Variants in SNX13 observed in about 807,000 individuals in gnomAD.
The protein encoded by SNX13 is sorting nexin 13.
SNX13 carries 45 observed loss-of-function variants against 133.6 expected under a neutral mutation model. That is an observed-to-expected ratio of 0.34 (90% CI 0.27 to 0.43). The LOEUF is 0.43. Ranked by LOEUF, SNX13 falls within the 20% of genes least tolerant of loss-of-function variation. SNX13 has a pLI of 1.00. For missense variants in SNX13, 1,032 were observed against 1,145.1 expected (o/e 0.90, Z 1.43); for synonymous variants, 414 against 373.9 (o/e 1.11, Z -1.24).
chr7:17,803,442 C>A lies in SNX13; in HGVS notation c.2203G>T (p.Asp735Tyr), dbSNP rs2128288317. Residue 735 changes from aspartate (D) to tyrosine (Y), a missense_variant, in exon 21 of 26, where the codon GAC (aspartate) becomes TAC (tyrosine). Coordinates refer to ENST00000428135, the MANE Select transcript of SNX13 (RefSeq NM_015132.5). ...ACCTTAAAAAATGATTGCTTTATGT[C>A]TTGACCTAATCTTTCTGACATTTTG... is the stretch of plus-strand genomic sequence containing the variant. ...MGKMSERLGQ[D>Y]IKQSFFKVPP... is the part of the protein sequence containing the mutation. 6.2e-7 allele frequency: 1 copy of A among 1,610,966 alleles called. No individual in the cohort carries two copies. Among genetic ancestry groups the A allele is most frequent in the Non-Finnish European group, 8.5e-7 (1 of 1,178,430 alleles).
Position 17,794,134 on chromosome 7 carries a change from A to G in SNX13, c.2785T>C (p.Phe929Leu). ...LFPQYKFREL[F>L]NKLHSRSKQM... ...TTTGACCGTGAATGCAGTTTGTTGAAAAGTTCACGGAATTTATACTGTGGA... is the reference window on the plus strand; with the variant it reads ...TTTGACCGTGAATGCAGTTTGTTGAGAAGTTCACGGAATTTATACTGTGGA... Residue 929 changes from phenylalanine (F) to leucine (L), a missense_variant, in exon 26 of 26, where the codon TTC becomes CTC. By Grantham distance (22) the Phe-to-Leu change is conservative (BLOSUM62 0). Coordinates refer to ENST00000428135, the MANE Select transcript of SNX13 (RefSeq NM_015132.5). 1.2e-6 allele frequency: 2 copies of G among 1,611,756 alleles called. No homozygotes were observed. Among genetic ancestry groups the G allele is most frequent in the South Asian group, 1.1e-5 (1 of 90,980 alleles).
intron 20 of SNX13, among the ~76,000 whole-genome samples, chr7:17,813,673 G>A (rs564984473): frequency 1.7e-4 from 25 of 151,346 alleles, no homozygotes; most frequent in African/African-American, 4.6e-4. Context: ...TGAAGCCTTG[G>A]CCTCCCAGGT....
chr7:17,877,151 T>C (rs909809646), intron 5 of SNX13, among the ~76,000 whole-genome samples: 15 of 151,454 alleles, frequency 9.9e-5, no homozygotes, highest in Non-Finnish European at 1.5e-5. Context: ...AGGTTTGTTG[T>C]ATACATGAAA....
chr7:17,808,037 GA>G (rs1471061293), intron 20 of SNX13, among the ~76,000 whole-genome samples: 5 of 152,138 alleles, frequency 3.3e-5, no homozygotes, highest in African/African-American at 1.2e-4. Context: ...CCAAAAACCA[GA>G]ACGCATCTTC....
intron 12 of SNX13, among the ~76,000 whole-genome samples, chr7:17,841,407 G>GT (rs1583437789): frequency 6.6e-6 from 1 of 152,058 alleles, no homozygotes; most frequent in Non-Finnish European, 1.5e-5. Flanking sequence ...AGACTTTTAA[G>GT]TTTATACCTC....
intron 3 of SNX13, 48 bp from the exon 4 acceptor site, chr7:17,891,683 T>A: frequency 1.5e-6 from 2 of 1,342,432 alleles, no homozygotes; most frequent in Non-Finnish European, 2.1e-6. Flanking sequence ...TGATGTAAAA[T>A]CTCTCCAGTT....
intron 8 of SNX13, among the ~76,000 whole-genome samples, chr7:17,868,986 T>G (rs944144568): frequency 1.3e-5 from 2 of 152,110 alleles, no homozygotes; most frequent in Admixed American, 1.3e-4. Flanking sequence ...TTCTCTGTGT[T>G]TGAATAGTTT....
At chr7:17,934,007 G>A (rs1237203442) in intron 1 of SNX13, among the ~76,000 whole-genome samples, 1 of 152,190 alleles carries the variant, frequency 6.6e-6, no homozygotes, top group Non-Finnish European at 1.5e-5. Flanking sequence ...AAGTGATAAA[G>A]TTGAGACTCA....
chr7:17,816,204 T>C lies in SNX13; in HGVS notation c.1931A>G (p.Lys644Arg). 6.5e-7 allele frequency: 1 copy of C among 1,537,058 alleles called. No homozygotes were observed. Among genetic ancestry groups the C allele is most frequent in the Non-Finnish European group, 8.8e-7 (1 of 1,139,626 alleles). ...MDRDFLEKRKKDLNAYLQLLL... is the reference protein window; with the variant it reads ...MDRDFLEKRKRDLNAYLQLLL... ...TACCTGCAAATATGCATTTAGATCC[T>C]TTTTTCTCTTTTCTAAAAAATCTCT... Residue 644 changes from lysine (K) to arginine (R), a missense_variant, in exon 19 of 26, where the codon AAG becomes AGG. By Grantham distance (26) the Lys-to-Arg change is conservative. Coordinates refer to ENST00000428135, the MANE Select transcript of SNX13 (RefSeq NM_015132.5).
intron 1 of SNX13, among the ~76,000 whole-genome samples, chr7:17,931,984 T>C (rs962096402): frequency 4.6e-5 from 7 of 152,202 alleles, no homozygotes; most frequent in Non-Finnish European, 8.8e-5. Context: ...TCCTTAAAAA[T>C]GGACCCCCAA....
At chr7:17,863,050 A>G (rs565019147) in intron 9 of SNX13, among the ~76,000 whole-genome samples, 2 of 152,284 alleles carry the variant, frequency 1.3e-5, no homozygotes, top group South Asian at 4.1e-4. Flanking sequence ...TGAAGTAAGT[A>G]TAGAACTCTG....
chr7:17,801,531 A>C, intron 22 of SNX13, 57 bp downstream of exon 22: 1 of 1,372,788 alleles, frequency 7.3e-7, no homozygotes, highest in South Asian at 1.3e-5. Context: ...TAAAAAGTTA[A>C]AAAGATATGC....
chr7:17,853,572 C>A (rs1273354168), intron 9 of SNX13, among the ~76,000 whole-genome samples: 1 of 152,186 alleles, frequency 6.6e-6, no homozygotes, highest in Non-Finnish European at 1.5e-5. Flanking sequence ...AATTCTACAT[C>A]AATGAAATAT....
intron 1 of SNX13, among the ~76,000 whole-genome samples, chr7:17,903,798 A>G (rs1441950154): frequency 6.6e-6 from 1 of 152,230 alleles, no homozygotes; most frequent in Non-Finnish European, 1.5e-5. Flanking sequence ...TTATCTAAAT[A>G]TTAATCAGCT....
intron 1 of SNX13, among the ~76,000 whole-genome samples, chr7:17,917,097 A>C (rs894686744): frequency 6.6e-6 from 1 of 152,202 alleles, no homozygotes; most frequent in Non-Finnish European, 1.5e-5. Context: ...CAGAAAAAGC[A>C]TTCAGTAAAA....
At position 17,893,393 on chromosome 7, in the gene SNX13, T is replaced by A; in HGVS notation, c.167A>T (p.Glu56Val). 1 of 1,573,254 alleles carries A rather than the reference T, an allele frequency of 6.4e-7. No individual in the cohort carries two copies. The highest frequency in any genetic ancestry group is 8.6e-7 in the Non-Finnish European group (1 of 1,157,546). The change falls in exon 3 of 26, where the codon GAG (glutamate) becomes GTG (valine). Residue 56 changes from glutamate to valine, a missense_variant. By Grantham distance (121) the Glu-to-Val change is moderately radical (BLOSUM62 -2). Coordinates refer to ENST00000428135, the MANE Select transcript of SNX13 (RefSeq NM_015132.5). ...GTGTTCACACTGTTCTAGGTACTTC[T>A]CTGAGTTTGTTTTTCCAAACAGGAG... is the stretch of plus-strand genomic sequence containing the variant. ...VTLLFGKTNSEKYLEQCEHSF... is the reference protein window; with the variant it reads ...VTLLFGKTNSVKYLEQCEHSF...
intron 11 of SNX13, among the ~76,000 whole-genome samples, chr7:17,847,535 T>C (rs538091735): frequency 6.6e-6 from 1 of 152,296 alleles, no homozygotes; most frequent in East Asian, 1.9e-4. Flanking sequence ...TTAAATACAC[T>C]GTAAAATTAT....
chr7:17,883,851 A>C (rs542549463), intron 5 of SNX13, among the ~76,000 whole-genome samples: 1 of 152,248 alleles, frequency 6.6e-6, no homozygotes, highest in African/African-American at 2.4e-5. Flanking sequence ...TAGTTTGCTG[A>C]GAATGATGGT....
chr7:17,867,419 C>A (rs940116161), intron 9 of SNX13, among the ~76,000 whole-genome samples: 1 of 152,034 alleles, frequency 6.6e-6, no homozygotes, highest in African/African-American at 2.4e-5. Flanking sequence ...CTGGCTAGGG[C>A]TACATAGCAA....
Sources: gnomAD v4.1 joint callset for allele counts (sites outside exome capture counted in the v4.1 genomes callset) on GRCh38, gnomAD v4.1.1 for gene constraint, MANE v1.5 for transcripts, NCBI Gene and HGNC (gene_info 2026-07-23, HGNC 2026-07-21) for gene names.